The following NKAIN2 variants were observed in gnomAD, a reference collection of about 807,000 sequenced individuals.
NKAIN2 encodes the protein sodium/potassium-transporting ATPase subunit beta-1-interacting protein 2.
NKAIN2 carries 14 observed loss-of-function variants against 32.6 expected under a neutral mutation model. The ratio of observed to expected loss-of-function variants is 0.43; its 90% CI spans 0.28 to 0.67. The LOEUF (loss-of-function observed/expected upper bound fraction) is 0.67, where lower values mean the gene tolerates loss of function less well. Ranked by LOEUF, NKAIN2 falls within the 30% of genes least tolerant of loss-of-function variation. The pLI, the probability that NKAIN2 is intolerant of heterozygous loss-of-function variation, is 0.17. For synonymous variants in NKAIN2, 80 were observed against 87.2 expected, an observed-to-expected ratio of 0.92 and a Z score of 0.46; for missense variants, 198 against 258.3, an observed-to-expected ratio of 0.77 and a Z score of 1.60.
At chr6:123,893,914 G>T (rs993607240) in intron 1 of NKAIN2, among the ~76,000 whole-genome samples, 5 of 152,124 alleles carry the variant, frequency 3.3e-5, no homozygotes, top group Non-Finnish European at 5.9e-5. Flanking sequence ...TCTATAGGAG[G>T]TTCCTTAGTC....
At chr6:123,946,256 G>C (rs1307311114) in intron 1 of NKAIN2, among the ~76,000 whole-genome samples, 1 of 152,014 alleles carries the variant, frequency 6.6e-6, no homozygotes, top group Non-Finnish European at 1.5e-5. Context: ...CTTCAATTTA[G>C]GTGGCACACA....
At chr6:124,148,885 T>C (rs1359341035) in intron 1 of NKAIN2, among the ~76,000 whole-genome samples, 1 of 152,228 alleles carries the variant, frequency 6.6e-6, no homozygotes, top group Non-Finnish European at 1.5e-5. Context: ...GCTAAGCTGT[T>C]TTCTGAAGTG....
chr6:124,449,145 G>A (rs528355004), intron 3 of NKAIN2, among the ~76,000 whole-genome samples: 5 of 152,144 alleles, frequency 3.3e-5, no homozygotes, highest in South Asian at 2.1e-4. Flanking sequence ...TCAGATAAGC[G>A]ACCTAGTTTT....
chr6:123,970,898 A>C (rs976289383), intron 1 of NKAIN2, among the ~76,000 whole-genome samples: 2 of 152,114 alleles, frequency 1.3e-5, no homozygotes, highest in South Asian at 4.1e-4. Context: ...AAAAAGAAAA[A>C]AAGAAATATT....
At chr6:124,432,764 G>A (rs1775272507) in intron 3 of NKAIN2, among the ~76,000 whole-genome samples, 1 of 152,060 alleles carries the variant, frequency 6.6e-6, no homozygotes, top group Admixed American at 6.5e-5. Context: ...TCTACTTGGT[G>A]GAAACCCTGA....
intron 1 of NKAIN2, among the ~76,000 whole-genome samples, chr6:124,040,248 T>G (rs1191878386): frequency 6.6e-6 from 1 of 151,960 alleles, no homozygotes; most frequent in Non-Finnish European, 1.5e-5. Context: ...TTATAAATAT[T>G]TATGTAAGAT....
intron 3 of NKAIN2, among the ~76,000 whole-genome samples, chr6:124,423,067 T>C (rs1774828626): frequency 6.6e-6 from 1 of 152,210 alleles, no homozygotes; most frequent in Non-Finnish European, 1.5e-5. Context: ...ATCTAAATAG[T>C]TTAAACATTT....
At chr6:124,272,829 G>T (rs554687649) in intron 1 of NKAIN2, among the ~76,000 whole-genome samples, 2 of 152,296 alleles carry the variant, frequency 1.3e-5, no homozygotes, top group African/African-American at 4.8e-5. Flanking sequence ...TGGATGTGAG[G>T]CATGGAGTCA....
chr6:124,295,563 T>C (rs1221856185), intron 2 of NKAIN2, among the ~76,000 whole-genome samples: 2 of 152,044 alleles, frequency 1.3e-5, no homozygotes, highest in Non-Finnish European at 2.9e-5. Flanking sequence ...AACTCACCGA[T>C]TAGGAAGGAG....
intron 1 of NKAIN2, among the ~76,000 whole-genome samples, chr6:123,915,159 A>C (rs1775423928): frequency 6.6e-6 from 1 of 152,170 alleles, no homozygotes; most frequent in African/African-American, 2.4e-5. Context: ...GGCCATGTGT[A>C]AGCTCTTGCT....
In NKAIN2 at chr6:123,816,392, G is replaced by A. The variant is rs538763240; in HGVS notation, c.54+12138G>A. Among the ~76,000 whole-genome samples, 14 of 152,262 alleles carry A rather than the reference G, an allele frequency of 9.2e-5. 1 individual carries two copies. In the South Asian group the frequency reaches 2.5e-3, roughly 27 times the overall value. ...ATAAGAAACAACACAATGTGAGAGT[G>A]AAGGCTTGGGGTTTGGAGCAAGCCC... On this transcript the variant is annotated intron_variant, in intron 1 of 6. Transcript: ENST00000368417.
chr6:123,906,967 T>C (rs1374245966), intron 1 of NKAIN2, among the ~76,000 whole-genome samples: 1 of 152,222 alleles, frequency 6.6e-6, no homozygotes, highest in Non-Finnish European at 1.5e-5. Flanking sequence ...CAAGTACTTT[T>C]TTAAGCTAAA....
chr6:124,544,436 G>A (rs987885004), intron 3 of NKAIN2, among the ~76,000 whole-genome samples: 1 of 150,056 alleles, frequency 6.7e-6, no homozygotes, highest in African/African-American at 2.5e-5. Flanking sequence ...CCCTTTAGCA[G>A]GTACAGCTGT....
chr6:123,947,334 G>C (rs2114572539), intron 1 of NKAIN2, among the ~76,000 whole-genome samples: 1 of 152,206 alleles, frequency 6.6e-6, no homozygotes, highest in Admixed American at 6.5e-5. Context: ...TCCACAAAAA[G>C]CCAGGCTATG....
intron 1 of NKAIN2, among the ~76,000 whole-genome samples, chr6:124,188,884 C>T (rs977766328): frequency 1.9e-4 from 29 of 152,264 alleles, no homozygotes; most frequent in African/African-American, 7.0e-4. Context: ...CAGAAAATCT[C>T]TTAAGCTTTA....
intron 3 of NKAIN2, among the ~76,000 whole-genome samples, chr6:124,391,890 G>A (rs1430207645): frequency 1.3e-5 from 2 of 152,012 alleles, no homozygotes; most frequent in Admixed American, 6.6e-5. Context: ...GATTCTATTG[G>A]TTACTAATCT....
At chr6:124,690,851 C>G (rs1198530601) in intron 4 of NKAIN2, among the ~76,000 whole-genome samples, 1 of 152,198 alleles carries the variant, frequency 6.6e-6, no homozygotes, top group Non-Finnish European at 1.5e-5. Context: ...TAAAGTCACA[C>G]TTTCCTCCTA....
chr6:124,099,632 C>T (rs1376557217), intron 1 of NKAIN2, among the ~76,000 whole-genome samples: 1 of 152,128 alleles, frequency 6.6e-6, no homozygotes, highest in Non-Finnish European at 1.5e-5. Context: ...GAGGTTAAAG[C>T]TGTGGTTCTC....
intron 1 of NKAIN2, among the ~76,000 whole-genome samples, chr6:123,844,259 A>C (rs1001322629): frequency 6.6e-6 from 1 of 152,228 alleles, no homozygotes; most frequent in Non-Finnish European, 1.5e-5. Flanking sequence ...CGATTCTGGC[A>C]GAGGGAACCA....
Sources: allele counts gnomAD v4.1 joint callset (sites outside exome capture counted in the v4.1 genomes callset), GRCh38; gene constraint gnomAD v4.1.1; transcripts MANE v1.5; gene names NCBI Gene and HGNC (gene_info 2026-07-23, HGNC 2026-07-21).